The following CTNNA2 variants were observed in gnomAD, a reference collection of about 807,000 sequenced individuals.
The protein encoded by CTNNA2 is catenin alpha 2, also known as catenin alpha-2.
Under a neutral mutation model 101.0 loss-of-function variants are expected in CTNNA2, and 42 were observed. That is an observed-to-expected ratio of 0.42 (90% CI 0.32 to 0.54). CTNNA2 has a LOEUF of 0.54. Ranked by LOEUF, CTNNA2 falls within the 20% of genes least tolerant of loss-of-function variation. CTNNA2 has a pLI of 0.14. For missense variants in CTNNA2, 871 were observed against 1,223.1 expected (o/e 0.71, Z 4.29); for synonymous variants, 450 against 456.4 (o/e 0.99, Z 0.18).
chr2:80,007,985 A>C (rs1039149853), intron 7 of CTNNA2, among the ~76,000 whole-genome samples: 4 of 152,180 alleles, frequency 2.6e-5, no homozygotes, highest in Non-Finnish European at 5.9e-5. Context: ...TGTTCAAAAG[A>C]GGGCTGAGAG....
chr2:79,787,550 C>T (rs1028513477), intron 3 of CTNNA2, among the ~76,000 whole-genome samples: 3 of 152,100 alleles, frequency 2.0e-5, no homozygotes, highest in African/African-American at 7.2e-5. Flanking sequence ...TTGGCTTAAA[C>T]AATGTTAATT....
At chr2:80,426,772 A>C (rs1278799718) in intron 9 of CTNNA2, among the ~76,000 whole-genome samples, 1 of 151,750 alleles carries the variant, frequency 6.6e-6, no homozygotes, top group East Asian at 2.0e-4. Flanking sequence ...AATCAGCCAC[A>C]CTTGCCATCT....
rs772018374 is a variant in CTNNA2, at chr2:80,303,624, C to T, written c.1057-89587C>T. ...TAGCGCAGGGACAAGCCCAGCAGGCCGGACAGGTTGTGGGGCGCCTCGGTG... is the reference window on the plus strand; with the variant it reads ...TAGCGCAGGGACAAGCCCAGCAGGCTGGACAGGTTGTGGGGCGCCTCGGTG... On this transcript the variant is annotated intron_variant, in intron 7 of 18. Coordinates refer to ENST00000402739, the MANE Select transcript of CTNNA2 (RefSeq NM_001282597.3). This position sits in a 1 kb window ranked among gnomAD's most constrained non-coding sequence, Gnocchi z 7.7. 1.9e-6 allele frequency: 3 copies of T among 1,613,898 alleles called. No homozygotes were observed. The highest frequency in any genetic ancestry group is 1.3e-5 in the African/African-American group (1 of 74,926).
At chr2:79,306,805 G>A (rs150126983) in intron 2 of CTNNA2, among the ~76,000 whole-genome samples, 264 of 152,246 alleles carry the variant, frequency 1.7e-3, no homozygotes, top group Middle Eastern at 3.4e-3. Flanking sequence ...TTTAATTTTT[G>A]CCAGGCAAAT....
At chr2:79,707,025 T>C (rs1470081981) in intron 2 of CTNNA2, among the ~76,000 whole-genome samples, 1 of 152,200 alleles carries the variant, frequency 6.6e-6, no homozygotes. Flanking sequence ...TCCTACTTTG[T>C]ATGTTATAAA....
intron 7 of CTNNA2, among the ~76,000 whole-genome samples, chr2:80,097,997 C>T (rs1007041564): frequency 6.6e-6 from 1 of 152,226 alleles, no homozygotes; most frequent in African/African-American, 2.4e-5. Context: ...AAACCTTCTT[C>T]TCTCAACCTG....
chr2:79,235,465 C>G (rs981762362), intron 2 of CTNNA2, among the ~76,000 whole-genome samples: 2 of 151,946 alleles, frequency 1.3e-5, no homozygotes, highest in Admixed American at 1.3e-4. Flanking sequence ...TGCTCCTGGG[C>G]CTTGGAGTTG....
At chr2:80,459,033 A>G (rs535817723) in intron 9 of CTNNA2, among the ~76,000 whole-genome samples, 2 of 152,284 alleles carry the variant, frequency 1.3e-5, no homozygotes, top group South Asian at 2.1e-4. Flanking sequence ...AATACTCACC[A>G]TTGTGCTACA....
intron 2 of CTNNA2, among the ~76,000 whole-genome samples, chr2:79,237,721 G>A (rs1674575043): frequency 6.6e-6 from 1 of 152,074 alleles, no homozygotes; most frequent in South Asian, 2.1e-4. Context: ...GTACTTTTTT[G>A]TTATGAAGAT....
intron 15 of CTNNA2, among the ~76,000 whole-genome samples, chr2:80,600,386 T>C (rs1438093820): frequency 6.6e-6 from 1 of 151,896 alleles, no homozygotes; most frequent in Non-Finnish European, 1.5e-5. Flanking sequence ...TTAAAATTTA[T>C]ATTTTAAAAA....
intron 1 of CTNNA2, among the ~76,000 whole-genome samples, chr2:79,514,064 C>T (rs1241803118): frequency 6.6e-6 from 1 of 152,164 alleles, no homozygotes; most frequent in Non-Finnish European, 1.5e-5. Context: ...TGTCCTTGGT[C>T]CTGTCACTAC....
At chr2:80,631,156 T>C (rs1190057234) in intron 18 of CTNNA2, among the ~76,000 whole-genome samples, 1 of 152,174 alleles carries the variant, frequency 6.6e-6, no homozygotes, top group Non-Finnish European at 1.5e-5. Context: ...ATAGCAATTG[T>C]GCCATGAGGA....
chr2:80,150,776 G>C (rs953369788), intron 7 of CTNNA2, among the ~76,000 whole-genome samples: 1 of 152,100 alleles, frequency 6.6e-6, no homozygotes, highest in African/African-American at 2.4e-5. Context: ...TGTTTTCCCC[G>C]TGTGGTTTCT....
intron 7 of CTNNA2, among the ~76,000 whole-genome samples, chr2:80,361,006 T>C (rs1165145231): frequency 6.6e-6 from 1 of 152,056 alleles, no homozygotes; most frequent in Non-Finnish European, 1.5e-5. Context: ...ACCCTGGGAA[T>C]GGATGGTATA....
chr2:79,552,848 A>G (rs2104067402), intron 1 of CTNNA2, among the ~76,000 whole-genome samples: 1 of 152,300 alleles, frequency 6.6e-6, no homozygotes, highest in South Asian at 2.1e-4. Flanking sequence ...GGCCTGACCC[A>G]CAAAACCATT....
intron 2 of CTNNA2, among the ~76,000 whole-genome samples, chr2:79,700,640 T>G (rs1427021035): frequency 6.6e-6 from 1 of 152,082 alleles, no homozygotes; most frequent in Non-Finnish European, 1.5e-5. Context: ...AAGGCTATAT[T>G]AAGGACATAT....
At chr2:80,280,810 A>G (rs1019411678) in intron 7 of CTNNA2, among the ~76,000 whole-genome samples, 1 of 151,942 alleles carries the variant, frequency 6.6e-6, no homozygotes, top group Non-Finnish European at 1.5e-5. Flanking sequence ...GCATATCCAC[A>G]TTGTATATGC....
chr2:80,575,325 AATTT>A (rs1376375806), intron 13 of CTNNA2: 2 of 152,304 alleles, frequency 1.3e-5, no homozygotes, highest in Non-Finnish European at 2.9e-5. Flanking sequence ...TAATTTTAAA[AATTT>A]ATTTAACCAA....
intron 15 of CTNNA2, chr2:80,601,698 A>G (rs1462927649): frequency 1.3e-5 from 2 of 151,208 alleles, no homozygotes; most frequent in South Asian, 2.1e-4. Context: ...TATATTTTCT[A>G]TATCTTTTTG....
Sources: allele counts gnomAD v4.1 joint callset (sites outside exome capture counted in the v4.1 genomes callset), GRCh38; gene constraint gnomAD v4.1.1; non-coding constraint Gnocchi (gnomAD v3.1); transcripts MANE v1.5; gene names NCBI Gene and HGNC (gene_info 2026-07-23, HGNC 2026-07-21).